Variants in FCN2 observed in about 807,000 individuals in gnomAD.
FCN2 encodes ficolin-2.
Under a neutral mutation model 32.5 loss-of-function variants are expected in FCN2, and 31 were observed. The ratio of observed to expected loss-of-function variants is 0.96; its 90% confidence interval spans 0.72 to 1.29. The LOEUF is 1.29. FCN2 is among the 50% of genes most tolerant of loss of function. The pLI, the probability that FCN2 is intolerant of heterozygous loss-of-function variation, is 0.00. For synonymous variants in FCN2, 181 were observed against 164.5 expected (o/e 1.10, Z -0.77); for missense variants, 412 against 406.5 (o/e 1.01, Z -0.12).
At chr9:134,887,130 T>C in intron 7 of FCN2, 38 bp from the exon 8 acceptor site, 2 of 1,612,992 alleles carry the variant, frequency 1.2e-6, no homozygotes, top group Non-Finnish European at 1.7e-6. Flanking sequence ...GTAATGATGT[T>C]ACTGCCTGTA....
At chr9:134,876,780 G>A (rs934345981), upstream of FCN2, among the ~76,000 whole-genome samples, 1 of 152,094 alleles carries the variant, frequency 6.6e-6, no homozygotes, top group Non-Finnish European at 1.5e-5. Context: ...GTTTTGCCAC[G>A]TTGGCCAGGC....
chr9:134,883,873 G>C (rs972142018), intron 3 of FCN2, among the ~76,000 whole-genome samples: 1 of 139,242 alleles, frequency 7.2e-6, no homozygotes, highest in African/African-American at 2.6e-5. Flanking sequence ...TGTCTGTATG[G>C]GGGGGTTCTC....
chr9:134,877,772 G>A (rs1489451060), upstream of FCN2, among the ~76,000 whole-genome samples: 3 of 152,190 alleles, frequency 2.0e-5, no homozygotes, highest in Non-Finnish European at 2.9e-5. Flanking sequence ...GGCACCCTGA[G>A]GGTGGAGACC....
intron 5 of FCN2, 145 bp from the exon 6 acceptor site, chr9:134,885,623 C>G: frequency 8.5e-7 from 1 of 1,182,200 alleles, no homozygotes. Context: ...CCTGTGGAGT[C>G]TGTGAGGAGA....
the FCN2 span, among the ~76,000 whole-genome samples, chr9:134,868,923 G>A: frequency 5.4e-4 from 83 of 152,296 alleles, no homozygotes; most frequent in East Asian, 1.4e-3. This position sits in a 1 kb window ranked among gnomAD's most constrained non-coding sequence, Gnocchi z 4.3. Flanking sequence ...AAGTTTTATC[G>A]GCACAGCCAT....
the FCN2 span, among the ~76,000 whole-genome samples, chr9:134,870,801 G>A: frequency 6.6e-6 from 1 of 151,802 alleles, no homozygotes; most frequent in Non-Finnish European, 1.5e-5. The surrounding 1 kb of genome is among the most constrained non-coding windows in gnomAD (Gnocchi z 4.3). Context: ...GTTTTAGGAC[G>A]AAGGTGGGGT....
chr9:134,874,660 G>GT, the FCN2 span, among the ~76,000 whole-genome samples: 5 of 151,792 alleles, frequency 3.3e-5, no homozygotes, highest in Admixed American at 6.6e-5. Context: ...TCCCAAATTT[G>GT]TTTTTTTTAA....
Position 134,882,551 on chromosome 9 carries a change from C to T in FCN2, c.126C>T (p.Gly42=), listed in dbSNP as rs771575750. 3.7e-6 allele frequency: 6 copies of T among 1,614,184 alleles called. No individual in the cohort carries two copies. In the South Asian group the frequency reaches 6.6e-5, roughly 18 times the overall value. The stretch of plus-strand genomic sequence containing the variant: ...AGGTGAAGATGGTGGGCCTGGAGGG[C>T]TCTGACAAGCTCACCATTCTCCGAG... ...CPEVKMVGLE[G]SDKLTILRGC... The change falls in exon 2 of 8, where the codon GGC becomes GGT. Residue 42 remains glycine, a synonymous_variant. Transcript: ENST00000291744.
At chr9:134,885,702 C>A in intron 5 of FCN2, 66 bp from the exon 6 acceptor site, 2 of 1,605,218 alleles carry the variant, frequency 1.2e-6, no homozygotes, top group Non-Finnish European at 1.7e-6. Context: ...CTCTGGAGGG[C>A]GGGTCCCCCG....
At chr9:134,884,408 A>G (rs71506944) in intron 3 of FCN2, among the ~76,000 whole-genome samples, 132 of 152,190 alleles carry the variant, frequency 8.7e-4, no homozygotes, top group South Asian at 5.4e-3. Context: ...GTCCACCAAG[A>G]TGGGCTGTTT....
intron 1 of FCN2, among the ~76,000 whole-genome samples, chr9:134,881,969 T>C (rs981577373): frequency 6.6e-6 from 1 of 152,322 alleles, no homozygotes; most frequent in South Asian, 2.1e-4. Context: ...GACGCCTCCC[T>C]CTGTGGAGGA....
chr9:134,882,662 G>T (rs766188222), intron 2 of FCN2, 23 bp downstream of exon 2: 3 of 1,516,412 alleles, frequency 2.0e-6, no homozygotes, highest in Admixed American at 3.4e-5. Context: ...ATGGCTGGGG[G>T]CACTGGCTCT....
the FCN2 span, among the ~76,000 whole-genome samples, chr9:134,869,573 G>T: frequency 9.2e-5 from 14 of 152,330 alleles, no homozygotes; most frequent in East Asian, 2.1e-3. Flanking sequence ...CCCTCCCTAG[G>T]CCTCTGGCTT....
upstream of FCN2, among the ~76,000 whole-genome samples, chr9:134,879,288 T>C (rs980503950): frequency 3.9e-5 from 6 of 152,262 alleles, no homozygotes; most frequent in African/African-American, 1.2e-4. Context: ...GTACTTTAAA[T>C]AGCATATTTT....
At position 134,887,276 on chromosome 9, in the gene FCN2, A is replaced by C. The variant is rs757118738; in HGVS notation, c.803A>C (p.Lys268Thr). 6.2e-7 allele frequency: 1 copy of C among 1,614,120 alleles called. No homozygotes were observed. The highest frequency in any genetic ancestry group is 1.3e-5 in the African/African-American group (1 of 74,930). ...AVMFQGAWWY[K>T]NCHVSNLNGR... ...ATGTTTCAGGGAGCTTGGTGGTACA[A>C]AAACTGCCATGTGTCAAACCTGAAT... Residue 268 changes from lysine (K) to threonine (T), a missense_variant, in exon 8 of 8, where the codon AAA (lysine) becomes ACA (threonine). Transcript: ENST00000291744.
chr9:134,884,099 G>A (rs769171353), intron 3 of FCN2, among the ~76,000 whole-genome samples: 1 of 151,902 alleles, frequency 6.6e-6, no homozygotes, highest in Non-Finnish European at 1.5e-5. Context: ...GATCAGCCCC[G>A]GATGGCTTGG....
intron 3 of FCN2, among the ~76,000 whole-genome samples, 187 bp downstream of exon 3, chr9:134,883,542 T>A (rs1377621913): frequency 2.3e-5 from 3 of 130,816 alleles, no homozygotes; most frequent in Non-Finnish European, 4.8e-5. Flanking sequence ...TCAATGTGTG[T>A]GTGGGTTCTC....
the FCN2 span, among the ~76,000 whole-genome samples, chr9:134,873,945 C>CTG: frequency 6.7e-6 from 1 of 148,762 alleles, no homozygotes; most frequent in East Asian, 2.0e-4. Flanking sequence ...GGATCTTGCT[C>CTG]TGTCACCCAG....
At chr9:134,880,702 A>C, upstream of FCN2, 1 of 816,410 alleles carries the variant, frequency 1.2e-6, no homozygotes, top group South Asian at 1.5e-5. Context: ...TGCTGGCGTC[A>C]CCAAGCCCGC....
Sources: gnomAD v4.1 joint callset for allele counts (sites outside exome capture counted in the v4.1 genomes callset) on GRCh38, gnomAD v4.1.1 for gene constraint, Gnocchi (gnomAD v3.1) non-coding constraint, MANE v1.5 for transcripts, NCBI Gene and HGNC (gene_info 2026-07-23, HGNC 2026-07-21) for gene names.